DCC: variants seen among roughly 807,000 people sequenced by gnomAD.
DCC encodes the protein netrin receptor DCC.
Under a neutral mutation model 172.5 loss-of-function variants are expected in DCC, and 58 were observed. The observed-to-expected ratio is 0.34, with a 90% CI of 0.27 to 0.42. The LOEUF (loss-of-function observed/expected upper bound fraction) is 0.42. Ranked by LOEUF, DCC falls within the 10% of genes least tolerant of loss-of-function variation. The pLI is 1.00. For synonymous variants in DCC, 709 were observed against 644.5 expected (o/e 1.10, Z -1.52); for missense variants, 1,740 against 1,791.0 (o/e 0.97, Z 0.51).
chr18:52,656,200 C>A (rs1235928591), intron 1 of DCC, among the ~76,000 whole-genome samples: 1 of 151,292 alleles, frequency 6.6e-6, no homozygotes, highest in East Asian at 1.9e-4. Flanking sequence ...GAAATCCTAA[C>A]CCCCAAAGTG....
chr18:53,015,810 T>C (rs553938827), intron 5 of DCC, among the ~76,000 whole-genome samples: 29 of 152,212 alleles, frequency 1.9e-4, no homozygotes, highest in African/African-American at 6.0e-4. Flanking sequence ...AGTAAACTTA[T>C]GTATAGCCAA....
At chr18:52,866,371 A>C (rs922600449) in intron 2 of DCC, among the ~76,000 whole-genome samples, 1 of 152,108 alleles carries the variant, frequency 6.6e-6, no homozygotes, top group African/African-American at 2.4e-5. Context: ...TCTTGGCTAA[A>C]GGGGTTCTTT....
chr18:52,466,707 A>G (rs541302031), intron 1 of DCC, among the ~76,000 whole-genome samples: 3 of 152,292 alleles, frequency 2.0e-5, no homozygotes, highest in African/African-American at 7.2e-5. Flanking sequence ...GGCTGAAATG[A>G]GACTACATGT....
chr18:52,905,356 A>G (rs534691274), intron 2 of DCC, among the ~76,000 whole-genome samples: 1 of 152,338 alleles, frequency 6.6e-6, no homozygotes, highest in African/African-American at 2.4e-5. Flanking sequence ...GAAATGAAAC[A>G]AGTTTCCAAA....
intron 7 of DCC, among the ~76,000 whole-genome samples, chr18:53,067,483 C>T (rs1019905781): frequency 6.6e-6 from 1 of 152,150 alleles, no homozygotes; most frequent in African/African-American, 2.4e-5. Context: ...GATCACACTA[C>T]TGCACTACAA....
At chr18:52,692,292 A>C (rs530595969) in intron 1 of DCC, among the ~76,000 whole-genome samples, 1 of 152,278 alleles carries the variant, frequency 6.6e-6, no homozygotes, top group South Asian at 2.1e-4. Context: ...GTACAATACA[A>C]ATTGCTACAA....
At chr18:53,515,744 G>T (rs1266802207) in intron 27 of DCC, among the ~76,000 whole-genome samples, 1 of 151,592 alleles carries the variant, frequency 6.6e-6, no homozygotes, top group Non-Finnish European at 1.5e-5. Flanking sequence ...ACTTACAAGG[G>T]ATGTGAAGGA....
intron 2 of DCC, among the ~76,000 whole-genome samples, chr18:52,902,259 C>T (rs754317910): frequency 1.5e-4 from 23 of 152,156 alleles, no homozygotes; most frequent in Non-Finnish European, 2.9e-4. Context: ...AAGACAATGC[C>T]AGAACATTTT....
intron 5 of DCC, among the ~76,000 whole-genome samples, chr18:53,009,018 T>C (rs1380186059): frequency 6.6e-6 from 1 of 151,934 alleles, no homozygotes; most frequent in Non-Finnish European, 1.5e-5. Context: ...TAGGTTAAGA[T>C]GATGAGAGTA....
intron 9 of DCC, among the ~76,000 whole-genome samples, chr18:53,194,386 G>A (rs1040272087): frequency 4.6e-5 from 7 of 152,246 alleles, no homozygotes; most frequent in African/African-American, 1.7e-4. Flanking sequence ...GATGTCACAT[G>A]TCTGGATCAT....
Position 53,459,444 on chromosome 18 carries a change from G to C in DCC, c.3605G>C (p.Ser1202Thr). The C allele has an allele frequency of 1.9e-6, 3 of 1,607,988 alleles. No individual in the cohort carries two copies. The highest frequency in any genetic ancestry group is 2.6e-6 in the Non-Finnish European group (3 of 1,174,696). The change falls in exon 24 of 29, where the codon AGC becomes ACC. Residue 1202 changes from serine to threonine, a missense_variant. Transcript: ENST00000442544. ...TCAGAAACCCAACTGGGAAGCAAAA[G>C]CACCTCTCATTCAGGTAATTATCTT... ...SQSETQLGSK[S>T]TSHSGQDTEE...
chr18:53,099,943 C>CTTTCTTTCTTTTTTT (rs2043143038), intron 7 of DCC, among the ~76,000 whole-genome samples: 3 of 92,742 alleles, frequency 3.2e-5, no homozygotes, highest in African/African-American at 1.5e-4. Context: ...TTCTTTCTTT[C>CTTTCTTTCTTTTTTT]TTTTTTTTTT....
chr18:53,095,559 A>G (rs1000599789), intron 7 of DCC, among the ~76,000 whole-genome samples: 1 of 152,186 alleles, frequency 6.6e-6, no homozygotes, highest in Non-Finnish European at 1.5e-5. Context: ...TGAAAGCATC[A>G]ATGAATTTCT....
At position 53,402,843 on chromosome 18, in the gene DCC, C is replaced by A; in HGVS notation, c.2885C>A (p.Ala962Asp). 6.2e-7 allele frequency: 1 copy of A among 1,614,112 alleles called. No individual in the cohort carries two copies. Among genetic ancestry groups the A allele is most frequent in the Non-Finnish European group, 8.5e-7 (1 of 1,179,994 alleles). ...TVITREGKPRAVIVSWQPPLE... is the reference protein window; with the variant it reads ...TVITREGKPRDVIVSWQPPLE... ...ATTACTAGGGAAGGGAAGCCTCGTG[C>A]CGTCATTGTGAGTTGGCAGCCTCCC... The change falls in exon 19 of 29, where the codon GCC (alanine) becomes GAC (aspartate). Residue 962 changes from alanine to aspartate, a missense_variant. Coordinates refer to ENST00000442544, the MANE Select transcript of DCC (RefSeq NM_005215.4).
chr18:53,351,367 C>CAGTG (rs1568074911), intron 15 of DCC, among the ~76,000 whole-genome samples: 1 of 32,992 alleles, frequency 3.0e-5, no homozygotes, highest in African/African-American at 1.0e-4. Flanking sequence ...TATATATATA[C>CAGTG]TGTATATATA....
chr18:52,629,879 G>A (rs1273502104), intron 1 of DCC, among the ~76,000 whole-genome samples: 1 of 150,718 alleles, frequency 6.6e-6, no homozygotes, highest in African/African-American at 2.4e-5. Flanking sequence ...GAAACCGGGA[G>A]GCGGAGCTTG....
intron 1 of DCC, among the ~76,000 whole-genome samples, chr18:52,647,889 C>A (rs79373517): frequency 0.031 from 4,648 of 152,116 alleles, 107 homozygotes; most frequent in Middle Eastern, 0.1. Context: ...GGGAACACGG[C>A]AAACATGGCT....
chr18:52,618,241 C>T (rs2034419913), intron 1 of DCC, among the ~76,000 whole-genome samples: 1 of 151,998 alleles, frequency 6.6e-6, no homozygotes, highest in African/African-American at 2.4e-5. Context: ...ATAAAAATCC[C>T]AACAGAAGAA....
chr18:52,495,479 C>T (rs1380518327), intron 1 of DCC, among the ~76,000 whole-genome samples: 1 of 152,078 alleles, frequency 6.6e-6, no homozygotes, highest in Non-Finnish European at 1.5e-5. Context: ...GAAGTTCTTC[C>T]TTTCTCTGAA....
Sources: gnomAD v4.1 joint callset for allele counts (sites outside exome capture counted in the v4.1 genomes callset) on GRCh38, gnomAD v4.1.1 for gene constraint, MANE v1.5 for transcripts, NCBI Gene and HGNC (gene_info 2026-07-23, HGNC 2026-07-21) for gene names.